The following SLC2A9 variants were observed in gnomAD, a reference collection of about 807,000 sequenced individuals.
SLC2A9 encodes the protein solute carrier family 2, facilitated glucose transporter member 9.
Under a neutral mutation model 50.6 loss-of-function variants are expected in SLC2A9, and 39 were observed. That is an observed-to-expected ratio of 0.77 (90% CI 0.60 to 1.01). SLC2A9 has a LOEUF of 1.01. Among genes scored for constraint, SLC2A9 ranks in the 50% least tolerant of loss-of-function variants. The pLI, the probability that SLC2A9 is intolerant of heterozygous loss-of-function variation, is 0.00. For missense variants in SLC2A9, 686 were observed against 677.6 expected (o/e 1.01, Z -0.14); for synonymous variants, 324 against 276.9 (o/e 1.17, Z -1.69).
At chr4:9,969,198 G>A (rs1753507359) in intron 5 of SLC2A9, among the ~76,000 whole-genome samples, 3 of 151,920 alleles carry the variant, frequency 2.0e-5, no homozygotes, top group Admixed American at 2.0e-4. Flanking sequence ...AGTGATACTA[G>A]ATCTTCTTTC....
In SLC2A9 at chr4:9,812,346, A is replaced by T. The variant is rs138430302; in HGVS notation, n.421-13105T>A. Among the ~76,000 whole-genome samples the T allele has an allele frequency of 2.7e-3, 406 of 152,360 alleles. 6 individuals are homozygous for T. Among genetic ancestry groups the T allele is most frequent in the African/African-American group, 9.6e-3 (398 of 41,586 alleles). On this transcript the variant is annotated intron_variant and non_coding_transcript_variant, in intron 3 of 3. Coordinates refer to the SLC2A9 transcript ENST00000503280. ...TATCCAGTGTTCCCAACTTCCACTT[A>T]AAGTTATTTAATTAGAATTGTGTTA... is the stretch of plus-strand genomic sequence containing the variant.
chr4:9,783,267 T>G (rs749843986), intron 3 of SLC2A9: 1 of 1,614,164 alleles, frequency 6.2e-7, no homozygotes, highest in Non-Finnish European at 8.5e-7. Context: ...TACATCCACA[T>G]GATGCCCAAC....
Position 10,027,717 on chromosome 4 carries a change from AT to A in SLC2A9, c.-40-1712del, listed in dbSNP as rs200614788. 5.8e-3 allele frequency among the ~76,000 whole-genome samples: 857 copies of A among 147,734 alleles called. 7 individuals carry two copies. The highest frequency in any genetic ancestry group is 0.021 in the Middle Eastern group (6 of 288). The stretch of plus-strand genomic sequence containing the variant: ...TGGGGGTAGAACTGCCTACCCAGGC[AT>A]TTTTTTTTTATTGATACATATTAGA... On this transcript the variant is annotated intron_variant, in intron 1 of 12. Transcript: ENST00000309065.
At chr4:9,783,766 G>C (rs910596367) in intron 3 of SLC2A9, 62 of 288,448 alleles carry the variant, frequency 2.1e-4, no homozygotes, top group African/African-American at 1.2e-3. Context: ...TAAAAAATAT[G>C]CTCTCCCCTC....
chr4:10,026,561 G>A lies in SLC2A9; in HGVS notation c.-40-555C>T, dbSNP rs141946400. On this transcript the variant is annotated intron_variant, in intron 1 of 12. Transcript: ENST00000309065. ...GCTGCTCAAAGAAAAACTTGTGCAC[G>A]AATGTTCACAGCAATGATATTCCAA... Among the ~76,000 whole-genome samples, 101 of 152,264 alleles carry A rather than the reference G, an allele frequency of 6.6e-4. 1 individual carries two copies. The East Asian group carries it at 0.016, about 24-fold the overall frequency.
chr4:9,911,828 G>C (rs1227062465), intron 7 of SLC2A9, among the ~76,000 whole-genome samples: 4 of 152,196 alleles, frequency 2.6e-5, no homozygotes, highest in Non-Finnish European at 5.9e-5. Flanking sequence ...CATTCTAGAA[G>C]GTTCTGTCTC....
chr4:9,847,401 C>T (rs561742382), intron 10 of SLC2A9, among the ~76,000 whole-genome samples: 4 of 152,270 alleles, frequency 2.6e-5, no homozygotes, highest in Admixed American at 6.5e-5. Flanking sequence ...AAACCACCTC[C>T]GTGATCCAAT....
chr4:9,895,565 G>A (rs1056194738), intron 8 of SLC2A9, among the ~76,000 whole-genome samples: 1 of 152,206 alleles, frequency 6.6e-6, no homozygotes, highest in African/African-American at 2.4e-5. Context: ...CTGGAGCCAT[G>A]GGGTCACCCA....
In SLC2A9 at chr4:9,826,507, T is replaced by C. The variant is rs1247194075; in HGVS notation, c.1513A>G (p.Arg505Gly). The C allele has an allele frequency of 6.2e-7, 1 of 1,614,158 alleles. No homozygotes were observed. The highest frequency in any genetic ancestry group is 8.5e-7 in the Non-Finnish European group (1 of 1,179,994). The change falls in exon 12 of 12, where the codon AGA becomes GGA. Residue 505 changes from arginine to glycine, a missense_variant. By Grantham distance (125) the Arg-to-Gly change is moderately radical. Coordinates refer to ENST00000264784, the MANE Select transcript of SLC2A9 (RefSeq NM_020041.3). The part of the protein sequence containing the change: ...LYFVLPETKN[R>G]TYAEISQAFS... ...GCCTGGCTGATTTCTGCATAGGTTCTGTTTTTGGTCTCAGGCAGCACAAAA... is the reference window on the plus strand; with the variant it reads ...GCCTGGCTGATTTCTGCATAGGTTCCGTTTTTGGTCTCAGGCAGCACAAAA...
At chr4:9,828,689 G>A (rs373440902) in intron 11 of SLC2A9, among the ~76,000 whole-genome samples, 5 of 152,030 alleles carry the variant, frequency 3.3e-5, no homozygotes, top group East Asian at 1.9e-4. Flanking sequence ...CTCTTCATCC[G>A]ACTTAAAGGT....
chr4:9,999,830 TG>T (rs1216534783), intron 2 of SLC2A9, among the ~76,000 whole-genome samples: 2 of 152,004 alleles, frequency 1.3e-5, no homozygotes, highest in Non-Finnish European at 2.9e-5. Flanking sequence ...CAGGCACACT[TG>T]GGGGGCACTG....
intron 5 of SLC2A9, among the ~76,000 whole-genome samples, chr4:9,976,666 G>A (rs1046780940): frequency 6.6e-5 from 10 of 152,218 alleles, no homozygotes; most frequent in Admixed American, 2.6e-4. Context: ...ACAGCCTATA[G>A]GAACCAATGG....
chr4:9,832,668 G>T (rs1310964698), intron 11 of SLC2A9, among the ~76,000 whole-genome samples: 2 of 152,270 alleles, frequency 1.3e-5, no homozygotes, highest in East Asian at 1.9e-4. Context: ...ACAAAACAAA[G>T]AATTGATTCC....
chr4:9,951,582 A>G (rs555857715), intron 5 of SLC2A9, among the ~76,000 whole-genome samples: 1 of 152,290 alleles, frequency 6.6e-6, no homozygotes, highest in Non-Finnish European at 1.5e-5. Flanking sequence ...GGAAGGCTTG[A>G]GGAGTAAATG....
intron 8 of SLC2A9, among the ~76,000 whole-genome samples, chr4:9,906,317 C>T (rs773324957): frequency 2.0e-4 from 31 of 152,250 alleles, no homozygotes; most frequent in Non-Finnish European, 3.5e-4. Context: ...CAACCTCACC[C>T]GCAGACAATG....
chr4:9,819,808 C>T (rs1724154578), intron 3 of SLC2A9, among the ~76,000 whole-genome samples: 3 of 152,326 alleles, frequency 2.0e-5, no homozygotes, highest in Admixed American at 6.5e-5. Flanking sequence ...GTGATGCGTG[C>T]CTGTAATCCT....
intron 10 of SLC2A9, among the ~76,000 whole-genome samples, chr4:9,846,176 C>T (rs1728963154): frequency 6.6e-6 from 1 of 152,214 alleles, no homozygotes; most frequent in African/African-American, 2.4e-5. Flanking sequence ...GAGACTCTCT[C>T]CTCTGCCCTT....
At chr4:9,833,760 GAGGAAGAC>G (rs946648129) in intron 11 of SLC2A9, among the ~76,000 whole-genome samples, 3 of 152,182 alleles carry the variant, frequency 2.0e-5, no homozygotes, top group African/African-American at 7.2e-5. Context: ...TTGGTGAGGG[GAGGAAGAC>G]AGGAAGACAG....
intron 3 of SLC2A9, among the ~76,000 whole-genome samples, chr4:9,819,892 C>T (rs993868696): frequency 6.6e-6 from 1 of 152,250 alleles, no homozygotes; most frequent in Non-Finnish European, 1.5e-5. Flanking sequence ...CGAGATCACA[C>T]CACTGCACTC....
Sources: gnomAD v4.1 joint callset for allele counts (sites outside exome capture counted in the v4.1 genomes callset) on GRCh38, gnomAD v4.1.1 for gene constraint, MANE v1.5 for transcripts, NCBI Gene and HGNC (gene_info 2026-07-23, HGNC 2026-07-21) for gene names.